The following RUNX2 variants were observed in gnomAD, a reference collection of about 807,000 sequenced individuals.
The protein encoded by RUNX2 is RUNX family transcription factor 2.
A neutral mutation model predicts 51.7 loss-of-function variants in RUNX2; 10 were observed. The ratio of observed to expected loss-of-function variants is 0.19; its 90% confidence interval spans 0.12 to 0.33. RUNX2 has a LOEUF of 0.33. Ranked by LOEUF, RUNX2 falls within the 10% of genes least tolerant of loss-of-function variation. The probability of loss-of-function intolerance (pLI) is 1.00; values close to 1 mark genes in which losing one functional copy is unlikely to be tolerated. For synonymous variants in RUNX2, 276 were observed against 273.6 expected, an observed-to-expected ratio of 1.01 and a Z score of -0.09; for missense variants, 562 against 691.3, an observed-to-expected ratio of 0.81 and a Z score of 2.10.
At chr6:45,533,219 A>C (rs1801919099) in intron 7 of RUNX2, among the ~76,000 whole-genome samples, 1 of 152,004 alleles carries the variant, frequency 6.6e-6, no homozygotes, top group Non-Finnish European at 1.5e-5. Flanking sequence ...TTTTTAAAAA[A>C]TTTGCTCTAG....
At chr6:45,450,708 G>A (rs904771965) in intron 5 of RUNX2, among the ~76,000 whole-genome samples, 3 of 152,186 alleles carry the variant, frequency 2.0e-5, no homozygotes, top group Admixed American at 1.3e-4. Flanking sequence ...GTTTGAGGAA[G>A]AGTTGGGGGA....
intron 7 of RUNX2, among the ~76,000 whole-genome samples, chr6:45,543,712 GAC>G (rs1271496577): frequency 2.6e-5 from 4 of 152,072 alleles, no homozygotes; most frequent in African/African-American, 9.7e-5. Context: ...ACACAAGGAT[GAC>G]TAGTTTAGGA....
intron 7 of RUNX2, among the ~76,000 whole-genome samples, chr6:45,519,773 A>ATT (rs1447593026): frequency 2.2e-5 from 3 of 133,824 alleles, no homozygotes; most frequent in African/African-American, 1.0e-4. Context: ...GAAGGATGCT[A>ATT]TTATATATAT....
intron 7 of RUNX2, 100 bp from the exon 8 acceptor site, chr6:45,545,117 C>T (rs952280022): frequency 1.4e-4 from 138 of 964,380 alleles, no homozygotes; most frequent in African/African-American, 3.4e-4. Flanking sequence ...TCTGTCTACC[C>T]CTCCCCTAAG....
chr6:45,365,824 T>C (rs1200716063), intron 2 of RUNX2, among the ~76,000 whole-genome samples: 1 of 151,660 alleles, frequency 6.6e-6, no homozygotes, highest in Non-Finnish European at 1.5e-5. Context: ...ATAATCTAAA[T>C]CCTATTTGAA....
chr6:45,541,792 G>C (rs751704101), intron 7 of RUNX2, among the ~76,000 whole-genome samples: 3 of 152,204 alleles, frequency 2.0e-5, no homozygotes, highest in Non-Finnish European at 4.4e-5. Context: ...CATGGGGCAT[G>C]GGGTTTCCCA....
At chr6:45,445,950 C>T (rs1798986002) in intron 5 of RUNX2, among the ~76,000 whole-genome samples, 1 of 152,070 alleles carries the variant, frequency 6.6e-6, no homozygotes, top group Non-Finnish European at 1.5e-5. Flanking sequence ...CTGTCAGGAG[C>T]TGGGAAGATA....
intron 6 of RUNX2, among the ~76,000 whole-genome samples, chr6:45,510,988 G>A (rs777769109): frequency 5.3e-5 from 8 of 152,202 alleles, no homozygotes; most frequent in Middle Eastern, 3.4e-3. Flanking sequence ...TCCAAAGTCC[G>A]TGCATATTCT....
intron 2 of RUNX2, among the ~76,000 whole-genome samples, chr6:45,347,041 G>C (rs901624062): frequency 6.6e-6 from 1 of 151,984 alleles, no homozygotes; most frequent in Non-Finnish European, 1.5e-5. Flanking sequence ...GAAAAGAGAG[G>C]TGGTACTTTA....
intron 7 of RUNX2, among the ~76,000 whole-genome samples, chr6:45,516,982 C>A (rs948777838): frequency 2.0e-5 from 3 of 152,048 alleles, no homozygotes; most frequent in Admixed American, 6.6e-5. Flanking sequence ...CCTCCACTAT[C>A]CCACTCATTT....
At chr6:45,458,126 A>G (rs561650582) in intron 5 of RUNX2, among the ~76,000 whole-genome samples, 1 of 150,568 alleles carries the variant, frequency 6.6e-6, no homozygotes, top group East Asian at 1.9e-4. Context: ...TCCTGGGTTC[A>G]AGAGATTCTC....
intron 5 of RUNX2, among the ~76,000 whole-genome samples, chr6:45,449,983 A>G (rs1235834734): frequency 1.3e-5 from 2 of 152,226 alleles, no homozygotes; most frequent in African/African-American, 4.8e-5. Context: ...CACTACTAAC[A>G]TCGTGATGTG....
intron 7 of RUNX2, among the ~76,000 whole-genome samples, chr6:45,527,485 G>C (rs1470336549): frequency 6.6e-6 from 1 of 152,190 alleles, no homozygotes; most frequent in East Asian, 1.9e-4. Context: ...GGTGGGGATA[G>C]AGACACTGGA....
At chr6:45,394,006 C>T (rs200126538) in intron 2 of RUNX2, among the ~76,000 whole-genome samples, 8 of 150,784 alleles carry the variant, frequency 5.3e-5, no homozygotes, top group Admixed American at 4.0e-4. Flanking sequence ...TCCCGGGTCC[C>T]GGTTCAAGCA....
intron 7 of RUNX2, among the ~76,000 whole-genome samples, chr6:45,531,429 A>G (rs920677690): frequency 5.3e-5 from 8 of 152,304 alleles, no homozygotes; most frequent in Middle Eastern, 6.8e-3. Flanking sequence ...TTATTCTAGA[A>G]ATTAAAAATG....
chr6:45,500,906 G>A lies in RUNX2; in HGVS notation c.859+8792G>A, dbSNP rs556941754. Among the ~76,000 whole-genome samples, 215 of 152,348 alleles carry A rather than the reference G, an allele frequency of 1.4e-3. 2 individuals are homozygous for A. The highest frequency in any genetic ancestry group is 3.8e-3 in the Admixed American group (58 of 15,302). On this transcript the variant is annotated intron_variant, in intron 6 of 8. Coordinates refer to ENST00000647337, the MANE Select transcript of RUNX2 (RefSeq NM_001024630.4). Reference sequence around the variant, plus strand: ...TCCCATGTGGGGGAATGTCCTGCAGGTTGGTAGATGGAAGAACTTCCAAAG... The same window carrying A: ...TCCCATGTGGGGGAATGTCCTGCAGATTGGTAGATGGAAGAACTTCCAAAG...
intron 6 of RUNX2, among the ~76,000 whole-genome samples, chr6:45,502,408 A>G (rs1800823027): frequency 6.6e-6 from 1 of 152,138 alleles, no homozygotes; most frequent in African/African-American, 2.4e-5. Context: ...TTGGCACATA[A>G]TCACATCACC....
chr6:45,340,365 C>T (rs1789506840), intron 2 of RUNX2, among the ~76,000 whole-genome samples: 1 of 152,098 alleles, frequency 6.6e-6, no homozygotes, highest in Admixed American at 6.6e-5. Context: ...ACTCTGTCAC[C>T]CAGGCTAGAG....
chr6:45,469,545 T>C (rs1050871974), intron 5 of RUNX2, among the ~76,000 whole-genome samples: 1 of 152,222 alleles, frequency 6.6e-6, no homozygotes, highest in Non-Finnish European at 1.5e-5. Flanking sequence ...AAGATCATTC[T>C]CTACACATAG....
Sources: allele counts gnomAD v4.1 joint callset (sites outside exome capture counted in the v4.1 genomes callset), GRCh38; gene constraint gnomAD v4.1.1; transcripts MANE v1.5; gene names NCBI Gene and HGNC (gene_info 2026-07-23, HGNC 2026-07-21).